The following TYW1B variants were observed in gnomAD, a reference collection of about 807,000 sequenced individuals.
The protein encoded by TYW1B is tRNA-yW synthesizing protein 1 homolog B, also known as S-adenosyl-L-methionine-dependent tRNA 4-demethylwyosine synthase TYW1B.
Under a neutral mutation model 86.9 loss-of-function variants are expected in TYW1B, and 73 were observed. The ratio of observed to expected loss-of-function variants is 0.84; its 90% confidence interval spans 0.70 to 1.02. TYW1B has a LOEUF of 1.02. Ranked by LOEUF, TYW1B falls within the 50% of genes least tolerant of loss-of-function variation. The probability of loss-of-function intolerance (pLI) is 0.00; values close to 1 mark genes in which losing one functional copy is unlikely to be tolerated. For synonymous variants in TYW1B, 248 were observed against 292.8 expected (o/e 0.85, Z 1.56); for missense variants, 637 against 827.4 (o/e 0.77, Z 2.82).
intron 7 of TYW1B, among the ~76,000 whole-genome samples, chr7:72,765,547 C>T (rs1787756190): frequency 6.6e-6 from 1 of 152,110 alleles, no homozygotes; most frequent in African/African-American, 2.4e-5. Flanking sequence ...TTCACTGCAA[C>T]CTCTACCTCC....
intron 10 of TYW1B, among the ~76,000 whole-genome samples, chr7:72,709,824 C>T (rs1274322061): frequency 2.0e-5 from 3 of 152,210 alleles, no homozygotes; most frequent in Non-Finnish European, 4.4e-5. Flanking sequence ...AATCCTGCCA[C>T]CTTACTTCTT....
intron 8 of TYW1B, among the ~76,000 whole-genome samples, chr7:72,737,787 CTTTT>C (rs34001923): frequency 7.2e-6 from 1 of 138,860 alleles, no homozygotes. Context: ...CATTTTACTT[CTTTT>C]TTTTTTTTTT....
chr7:72,651,614 CAA>C (rs1813059530), intron 11 of TYW1B, among the ~76,000 whole-genome samples: 1 of 152,014 alleles, frequency 6.6e-6, no homozygotes, highest in Non-Finnish European at 1.5e-5. Flanking sequence ...GACTCCAACT[CAA>C]AAAAGTTAAA....
chr7:72,773,997 G>A (rs1787909289), intron 7 of TYW1B, among the ~76,000 whole-genome samples: 1 of 150,748 alleles, frequency 6.6e-6, no homozygotes, highest in African/African-American at 2.4e-5. Flanking sequence ...CTCAGGAGGA[G>A]GAGGTGGTGA....
intron 11 of TYW1B, among the ~76,000 whole-genome samples, chr7:72,665,427 A>G (rs1554445093): frequency 6.6e-6 from 1 of 152,234 alleles, no homozygotes; most frequent in African/African-American, 2.4e-5. Context: ...CTTCTGTGAC[A>G]TTAGGAGAAA....
intron 11 of TYW1B, among the ~76,000 whole-genome samples, chr7:72,687,307 T>C (rs1814030818): frequency 6.6e-6 from 1 of 152,160 alleles, no homozygotes; most frequent in Non-Finnish European, 1.5e-5. Context: ...TGGTGGTGCA[T>C]GCCTGTAATT....
chr7:72,725,201 T>C (rs572469639), intron 9 of TYW1B, among the ~76,000 whole-genome samples: 3 of 152,272 alleles, frequency 2.0e-5, no homozygotes, highest in South Asian at 4.1e-4. Context: ...CCATTTAAAG[T>C]GCATTTGCAA....
At chr7:72,692,043 T>C (rs1814178595) in intron 11 of TYW1B, among the ~76,000 whole-genome samples, 1 of 151,098 alleles carries the variant, frequency 6.6e-6, no homozygotes, top group South Asian at 2.1e-4. Flanking sequence ...CCATCTCTAC[T>C]AAAAATACAA....
intron 11 of TYW1B, among the ~76,000 whole-genome samples, chr7:72,647,266 A>G (rs2129569127): frequency 6.6e-6 from 1 of 152,346 alleles, no homozygotes; most frequent in African/African-American, 2.4e-5. Context: ...GTAATTCAGT[A>G]CCAACGTTTA....
rs545770740 is a variant in TYW1B at position 72,722,560 on chromosome 7, C to T, written c.1192+6262G>A. 1.9e-3 allele frequency among the ~76,000 whole-genome samples: 293 copies of T among 152,112 alleles called. 1 individual carries two copies. Among genetic ancestry groups the T allele is most frequent in the African/African-American group, 6.5e-3 (271 of 41,502 alleles). On this transcript the variant is annotated intron_variant, in intron 9 of 13. Transcript: ENST00000620995. ...TAATTTTGTATGTATATAAAAGGAA[C>T]GCTAATAAAGGTCAGGAAAAGAAAG...
intron 11 of TYW1B, among the ~76,000 whole-genome samples, chr7:72,655,575 C>A (rs1813181881): frequency 6.6e-6 from 1 of 152,148 alleles, no homozygotes; most frequent in Non-Finnish European, 1.5e-5. Context: ...AGGTCCCCAG[C>A]ACTCTAGTCC....
intron 6 of TYW1B, among the ~76,000 whole-genome samples, chr7:72,781,158 G>C (rs548418050): frequency 6.6e-6 from 1 of 152,178 alleles, no homozygotes; most frequent in South Asian, 2.1e-4. Flanking sequence ...CCAGGTTGTA[G>C]GTCAGGTAAC....
At chr7:72,817,965 G>C (rs531019856) in intron 2 of TYW1B, among the ~76,000 whole-genome samples, 5 of 151,824 alleles carry the variant, frequency 3.3e-5, no homozygotes, top group African/African-American at 1.2e-4. Context: ...ATTCAAGGAA[G>C]TCAGCCACAG....
At chr7:72,764,972 TCA>T (rs1393000663) in intron 7 of TYW1B, among the ~76,000 whole-genome samples, 2 of 152,172 alleles carry the variant, frequency 1.3e-5, no homozygotes, top group East Asian at 3.8e-4. Flanking sequence ...CTCCCAAAAT[TCA>T]CAAACGTTAC....
intron 10 of TYW1B, among the ~76,000 whole-genome samples, chr7:72,702,771 C>T (rs1814504392): frequency 1.3e-5 from 2 of 152,054 alleles, no homozygotes; most frequent in Non-Finnish European, 2.9e-5. Flanking sequence ...TGCTGAGATG[C>T]AACCATTTTT....
At chr7:72,631,030 T>C (rs1208181822) in intron 11 of TYW1B, among the ~76,000 whole-genome samples, 1 of 152,028 alleles carries the variant, frequency 6.6e-6, no homozygotes, top group Non-Finnish European at 1.5e-5. Flanking sequence ...AAAAACCACA[T>C]GATCATCTTC....
At chr7:72,816,228 T>C (rs1195183984) in intron 2 of TYW1B, among the ~76,000 whole-genome samples, 1 of 151,582 alleles carries the variant, frequency 6.6e-6, no homozygotes, top group Non-Finnish European at 1.5e-5. Context: ...AATACAAAAT[T>C]AGCCAAGCGT....
At chr7:72,804,650 C>T (rs569398625) in intron 5 of TYW1B, among the ~76,000 whole-genome samples, 8 of 152,272 alleles carry the variant, frequency 5.3e-5, no homozygotes, top group Non-Finnish European at 1.0e-4. Context: ...TCAGCCTGGG[C>T]AACACAGTGG....
chr7:72,706,146 C>T (rs1219963230), intron 10 of TYW1B, among the ~76,000 whole-genome samples: 3 of 152,076 alleles, frequency 2.0e-5, no homozygotes, highest in African/African-American at 7.2e-5. Context: ...ATATTCTCTC[C>T]GGCCAGGCAC....
Sources: allele counts gnomAD v4.1 joint callset (sites outside exome capture counted in the v4.1 genomes callset), GRCh38; gene constraint gnomAD v4.1.1; transcripts MANE v1.5; gene names NCBI Gene and HGNC (gene_info 2026-07-23, HGNC 2026-07-21).